The following COMMD5 variants were observed in gnomAD, a reference collection of about 807,000 sequenced individuals.
The protein encoded by COMMD5 is COMM domain-containing protein 5.
Under a neutral mutation model 6.9 loss-of-function variants are expected in COMMD5, and 10 were observed. The ratio of observed to expected loss-of-function variants is 1.44; its 90% confidence interval spans 0.89 to 2.45. The LOEUF is 2.45. Ranked by LOEUF, COMMD5 falls within the 30% of genes most tolerant of loss-of-function variation. The pLI, the probability that COMMD5 is intolerant of heterozygous loss-of-function variation, is 0.00. For synonymous variants in COMMD5, 127 were observed against 125.3 expected (o/e 1.01, Z -0.09); for missense variants, 234 against 287.8 (o/e 0.81, Z 1.35).
downstream of COMMD5, among the ~76,000 whole-genome samples, chr8:144,840,251 C>T (rs961894979): frequency 6.6e-6 from 1 of 152,200 alleles, no homozygotes; most frequent in African/African-American, 2.4e-5. Context: ...CCTCACAGGC[C>T]TTGAGCATCC....
At chr8:144,845,382 CCT>C (rs1047393413), downstream of COMMD5, among the ~76,000 whole-genome samples, 2 of 151,946 alleles carry the variant, frequency 1.3e-5, no homozygotes, top group African/African-American at 2.4e-5. Flanking sequence ...TTACCTCACC[CCT>C]CAGTTTTTTT....
At chr8:144,853,210 A>G (rs1167281132), upstream of COMMD5, 1 of 146,138 alleles carries the variant, frequency 6.8e-6, no homozygotes, top group African/African-American at 2.6e-5. Flanking sequence ...CGTCTTAGAC[A>G]GTTTTTTTTT....
exon 2 of COMMD5, chr8:144,841,378 G>A (rs1829890991): frequency 6.2e-7 from 1 of 1,607,382 alleles, no homozygotes; most frequent in Non-Finnish European, 8.5e-7. Flanking sequence ...GACTGAAAAT[G>A]AGCAGGCCTG....
exon 2 of COMMD5, chr8:144,841,577 CTG>C (rs1432756097): frequency 2.5e-6 from 4 of 1,614,052 alleles, no homozygotes; most frequent in Admixed American, 3.3e-5. Context: ...AATGAGGAGA[CTG>C]TGGTTCCCAA....
At chr8:144,840,423 G>A (rs1563837769), downstream of COMMD5, among the ~76,000 whole-genome samples, 1 of 152,248 alleles carries the variant, frequency 6.6e-6, no homozygotes, top group Non-Finnish European at 1.5e-5. Flanking sequence ...TTCATGTGGG[G>A]TAGACTCGGG....
At chr8:144,845,907 G>A (rs1830486078), downstream of COMMD5, 1 of 1,450,410 alleles carries the variant, frequency 6.9e-7, no homozygotes, top group Admixed American at 2.1e-5. Context: ...GGTCTTGGCA[G>A]GTAATGTGCT....
At position 144,851,271 on chromosome 8, in the gene COMMD5, C is replaced by T; in HGVS notation, c.68G>A (p.Ser23Asn). 2 of 1,614,018 alleles carry T rather than the reference C, an allele frequency of 1.2e-6. No homozygotes were observed. The highest frequency in any genetic ancestry group is 1.7e-6 in the Non-Finnish European group (2 of 1,180,014). Residue 23 changes from serine (S) to asparagine (N), a missense_variant, in exon 2 of 2, where the codon AGT becomes AAT. Coordinates refer to ENST00000305103, the MANE Select transcript of COMMD5 (RefSeq NM_014066.4). ...TGGAGGAAGCTGGGCCCCCAAGAAA[C>T]TCACTCGGCCACTGTGACTATCACC... The part of the protein sequence containing the change: ...HPGDSHSGRV[S>N]FLGAQLPPEV...
exon 2 of COMMD5, chr8:144,841,247 C>T: frequency 8.7e-7 from 1 of 1,144,698 alleles, no homozygotes; most frequent in East Asian, 2.4e-5. Flanking sequence ...CCTCACAGTG[C>T]TCAGTGCAAC....
At chr8:144,851,783 A>G (rs1261682343) in intron 1 of COMMD5, among the ~76,000 whole-genome samples, 2 of 152,132 alleles carry the variant, frequency 1.3e-5, no homozygotes, top group Non-Finnish European at 2.9e-5. Context: ...TAACTATTCA[A>G]TCTTGAATCC....
Position 144,851,495 on chromosome 8 carries a change from GAACTACC to G in COMMD5, c.-57-107_-57-101del, listed in dbSNP as rs539071768. On this transcript the variant is annotated intron_variant, in intron 1 of 1. Coordinates refer to ENST00000305103, the MANE Select transcript of COMMD5 (RefSeq NM_014066.4). ...CCCATCATCAGCATGCTGACAGTGTGAACTACCAATGACAGTCAGTGCTGCGGAGATG... is the reference window on the plus strand; with the variant it reads ...CCCATCATCAGCATGCTGACAGTGTGAATGACAGTCAGTGCTGCGGAGATG... 71 of 814,156 alleles carry G rather than the reference GAACTACC, an allele frequency of 8.7e-5. 1 individual carries two copies. In the Admixed American group the frequency reaches 1.2e-3, roughly 14 times the overall value. The allele number at this position is 814,156 out of a possible 1,614,324, so 50.4% of individuals were successfully genotyped here. A position where few individuals can be genotyped will look rare whatever the true frequency, so the allele number is the denominator to read the frequency against.
At chr8:144,841,727 C>G (rs575330978) in exon 2 of COMMD5, 5 of 1,614,076 alleles carry the variant, frequency 3.1e-6, no homozygotes, top group East Asian at 4.5e-5. Flanking sequence ...GGCATCAGAG[C>G]CACTTCAGAT....
exon 2 of COMMD5, chr8:144,841,304 A>G (rs1829879218): frequency 2.0e-6 from 3 of 1,532,270 alleles, no homozygotes; most frequent in East Asian, 4.5e-5. Context: ...TAGTCTTATC[A>G]TTTCTCTGAG....
chr8:144,848,965 G>C (rs1830625308), downstream of COMMD5, among the ~76,000 whole-genome samples: 2 of 152,188 alleles, frequency 1.3e-5, no homozygotes, highest in Non-Finnish European at 2.9e-5. Context: ...ACAAGCCCAA[G>C]GGTTCACAGA....
intron 1 of COMMD5, chr8:144,842,839 G>T: frequency 6.2e-7 from 1 of 1,614,212 alleles, no homozygotes; most frequent in Non-Finnish European, 8.5e-7. Context: ...TCATGCAGGG[G>T]TGAAGCCCTA....
Position 144,841,742 on chromosome 8 carries a change from C to T in COMMD5, c.*118G>A, listed in dbSNP as rs1829939918. The T allele has an allele frequency of 1.9e-6, 3 of 1,614,152 alleles. No individual in the cohort carries two copies. In the East Asian group the frequency reaches 6.7e-5, roughly 36 times the overall value. ...GGCATCAGAGCCACTTCAGATATCG[C>T]TCTGCATTGGGAAATTAATACACAG... On this transcript the variant is annotated splice_region_variant and 3_prime_UTR_variant and NMD_transcript_variant, in exon 2 of 2. Transcript: ENST00000530332.
At chr8:144,840,200 G>A (rs1295282883), downstream of COMMD5, among the ~76,000 whole-genome samples, 1 of 152,236 alleles carries the variant, frequency 6.6e-6, no homozygotes, top group East Asian at 1.9e-4. Context: ...GTTGTGCAGG[G>A]AAAGCAGCAC....
chr8:144,839,321 C>G (rs1041714328), downstream of COMMD5, among the ~76,000 whole-genome samples: 2 of 152,268 alleles, frequency 1.3e-5, no homozygotes, highest in Non-Finnish European at 2.9e-5. Context: ...AGGAAGTCTG[C>G]ATGTGATGTG....
chr8:144,846,030 C>T (rs752085001), downstream of COMMD5: 146 of 1,536,480 alleles, frequency 9.5e-5, no homozygotes, highest in African/African-American at 6.6e-4. Flanking sequence ...CCACATGCAC[C>T]GCCTGCAACT....
chr8:144,841,457 C>T, exon 2 of COMMD5: 2 of 1,614,230 alleles, frequency 1.2e-6, no homozygotes, highest in Non-Finnish European at 8.5e-7. Context: ...CAGGACTTTC[C>T]TCAGAATCCT....
Sources: gnomAD v4.1 joint callset for allele counts (sites outside exome capture counted in the v4.1 genomes callset) on GRCh38, gnomAD v4.1.1 for gene constraint, MANE v1.5 for transcripts, NCBI Gene and HGNC (gene_info 2026-07-23, HGNC 2026-07-21) for gene names.